Variants in STK33 observed in about 807,000 individuals in gnomAD.
STK33 encodes serine/threonine kinase 33, also known as serine/threonine-protein kinase 33.
Under a neutral mutation model 58.0 loss-of-function variants are expected in STK33, and 52 were observed. The ratio of observed to expected loss-of-function variants is 0.90; its 90% CI spans 0.72 to 1.13. STK33 has a LOEUF of 1.13. Ranked by LOEUF, STK33 falls within the 50% of genes most tolerant of loss-of-function variation. The probability of loss-of-function intolerance (pLI) is 0.00; values close to 1 mark genes in which losing one functional copy is unlikely to be tolerated. For synonymous variants in STK33, 215 were observed against 200.1 expected, an observed-to-expected ratio of 1.07 and a Z score of -0.63; for missense variants, 630 against 604.2, an observed-to-expected ratio of 1.04 and a Z score of -0.45.
At chr11:8,500,613 A>T (rs114035421) in intron 1 of STK33, among the ~76,000 whole-genome samples, 1,812 of 152,322 alleles carry the variant, frequency 0.012, 37 homozygotes, top group African/African-American at 0.041. Flanking sequence ...AATACTCCCC[A>T]AACTGATCTA....
At chr11:8,487,934 G>A (rs1246450738) in intron 1 of STK33, among the ~76,000 whole-genome samples, 1 of 152,176 alleles carries the variant, frequency 6.6e-6, no homozygotes, top group African/African-American at 2.4e-5. Flanking sequence ...AAGCTTCGTG[G>A]CATTTTAACT....
chr11:8,474,533 C>T, intron 5 of STK33, 148 bp downstream of exon 5: 1 of 550,100 alleles, frequency 1.8e-6, no homozygotes. Flanking sequence ...ACCAAATTTA[C>T]TCACCTCTTC....
chr11:8,518,660 T>A (rs573371243), intron 1 of STK33, among the ~76,000 whole-genome samples: 39 of 152,016 alleles, frequency 2.6e-4, no homozygotes, highest in African/African-American at 8.9e-4. Context: ...ACCAAGCAAG[T>A]GGAAAACAAA....
intron 1 of STK33, among the ~76,000 whole-genome samples, chr11:8,584,451 C>A (rs1313513998): frequency 6.6e-6 from 1 of 152,198 alleles, no homozygotes; most frequent in Non-Finnish European, 1.5e-5. Context: ...ACTAGAACTC[C>A]TGAGCTGCTG....
At chr11:8,402,366 CA>C (rs1280431592) in intron 15 of STK33, among the ~76,000 whole-genome samples, 3 of 152,010 alleles carry the variant, frequency 2.0e-5, no homozygotes, top group Admixed American at 1.3e-4. Context: ...ATCACAAGGA[CA>C]AAAAACCAAA....
the STK33 span, among the ~76,000 whole-genome samples, chr11:8,345,911 ATTACAGCT>A: frequency 6.6e-6 from 1 of 152,196 alleles, no homozygotes; most frequent in East Asian, 1.9e-4. Flanking sequence ...GGAGGAAACA[ATTACAGCT>A]TCCACGTACC....
At chr11:8,380,575 A>AG in the STK33 span, among the ~76,000 whole-genome samples, 1 of 152,058 alleles carries the variant, frequency 6.6e-6, no homozygotes, top group African/African-American at 2.4e-5. Context: ...AAAAAAAAAA[A>AG]AATGGCTGTT....
the STK33 span, among the ~76,000 whole-genome samples, chr11:8,351,900 C>A: frequency 2.0e-5 from 3 of 152,220 alleles, no homozygotes; most frequent in African/African-American, 7.2e-5. Context: ...AGGGGCCGTG[C>A]CTTCAGCCCC....
chr11:8,492,634 C>G (rs1950716221), intron 1 of STK33, among the ~76,000 whole-genome samples: 2 of 152,194 alleles, frequency 1.3e-5, no homozygotes, highest in South Asian at 4.1e-4. Context: ...CCCAAATCAA[C>G]AGAATATACA....
chr11:8,510,518 T>G (rs1952230220), intron 1 of STK33, among the ~76,000 whole-genome samples: 1 of 152,190 alleles, frequency 6.6e-6, no homozygotes, highest in African/African-American at 2.4e-5. Flanking sequence ...AGGTCCCATT[T>G]ATTTATTTTT....
At chr11:8,449,160 T>C (rs1945927474) in intron 11 of STK33, among the ~76,000 whole-genome samples, 1 of 151,476 alleles carries the variant, frequency 6.6e-6, no homozygotes, top group Admixed American at 6.6e-5. Flanking sequence ...TGTGGAGAAA[T>C]AGGAACACTT....
chr11:8,373,567 G>C, the STK33 span, among the ~76,000 whole-genome samples: 1 of 152,124 alleles, frequency 6.6e-6, no homozygotes, highest in East Asian at 1.9e-4. Context: ...AAAATAGACA[G>C]GAGGGGCCTC....
intron 1 of STK33, among the ~76,000 whole-genome samples, chr11:8,530,343 TA>T (rs1954428771): frequency 6.6e-6 from 1 of 151,744 alleles, no homozygotes; most frequent in South Asian, 2.1e-4. Context: ...AAAAGCACTC[TA>T]AAATAAAAGG....
chr11:8,406,137 C>T (rs974853534), intron 15 of STK33, among the ~76,000 whole-genome samples: 74 of 106,358 alleles, frequency 7.0e-4, no homozygotes, highest in African/African-American at 2.5e-3. Flanking sequence ...AGCGAGACTC[C>T]GTCTCAAAAA....
chr11:8,543,214 G>A lies in STK33; in HGVS notation c.-466+50869C>T, dbSNP rs556708887. ...TTTCCAAGGAATCTAAAAGAGGGACGCATATTCACCATTTAATTGTCACTT... is the reference window on the plus strand; with the variant it reads ...TTTCCAAGGAATCTAAAAGAGGGACACATATTCACCATTTAATTGTCACTT... On this transcript the variant is annotated intron_variant, in intron 1 of 15. Transcript: ENST00000687296. Among the ~76,000 whole-genome samples the A allele has an allele frequency of 4.6e-5, 7 of 152,214 alleles. No homozygotes were observed. The East Asian group carries it at 5.8e-4, about 13-fold the overall frequency.
intron 1 of STK33, among the ~76,000 whole-genome samples, chr11:8,487,345 C>T (rs893632241): frequency 1.3e-5 from 2 of 150,682 alleles, no homozygotes; most frequent in Admixed American, 6.6e-5. Context: ...TCACCTGAGC[C>T]CAGGAGGTCA....
the STK33 span, among the ~76,000 whole-genome samples, chr11:8,365,957 C>T: frequency 1.1e-4 from 17 of 152,248 alleles, no homozygotes; most frequent in African/African-American, 3.9e-4. Flanking sequence ...ATCTGTCTGT[C>T]TCGGTCTATT....
chr11:8,359,271 T>C, the STK33 span, among the ~76,000 whole-genome samples: 1 of 152,178 alleles, frequency 6.6e-6, no homozygotes, highest in Non-Finnish European at 1.5e-5. Flanking sequence ...TATATGTCAG[T>C]GCTAATTTGC....
At chr11:8,469,179 G>A (rs374899926) in intron 6 of STK33, among the ~76,000 whole-genome samples, 2 of 152,182 alleles carry the variant, frequency 1.3e-5, no homozygotes, top group Non-Finnish European at 2.9e-5. Flanking sequence ...GATGCTGTTT[G>A]ATAGCATTTT....
Sources: allele counts gnomAD v4.1 joint callset (sites outside exome capture counted in the v4.1 genomes callset), GRCh38; gene constraint gnomAD v4.1.1; transcripts MANE v1.5; gene names NCBI Gene and HGNC (gene_info 2026-07-23, HGNC 2026-07-21).